ZNF562: variants seen among roughly 807,000 people sequenced by gnomAD.
ZNF562 encodes zinc finger protein 562.
Under a neutral mutation model 17.5 loss-of-function variants are expected in ZNF562, and 13 were observed. The ratio of observed to expected loss-of-function variants is 0.74; its 90% CI spans 0.48 to 1.18. The LOEUF (loss-of-function observed/expected upper bound fraction) is 1.18, where lower values mean the gene tolerates loss of function less well. Ranked by LOEUF, ZNF562 falls within the 50% of genes most tolerant of loss-of-function variation. ZNF562 has a pLI of 0.00. For synonymous variants in ZNF562, 163 were observed against 165.4 expected, an observed-to-expected ratio of 0.99 and a Z score of 0.11; for missense variants, 481 against 498.5, an observed-to-expected ratio of 0.96 and a Z score of 0.33.
At chr19:9,669,256 T>C (rs2044057449) in intron 1 of ZNF562, among the ~76,000 whole-genome samples, 1 of 151,636 alleles carries the variant, frequency 6.6e-6, no homozygotes, top group Non-Finnish European at 1.5e-5. Context: ...TCAAACTTGA[T>C]AACAAAAAAA....
At position 9,643,584 on chromosome 19, in the gene ZNF562, C is replaced by CT. The variant is rs879626414; in HGVS notation, c.*9364dup. The CT allele has an allele frequency of 0.04, 5,490 of 137,000 alleles. 206 individuals carry two copies. Among genetic ancestry groups the CT allele is most frequent in the African/African-American group, 0.1 (3,738 of 37,340 alleles). The allele number at this position is 137,000 out of a possible 1,614,324, so 8.5% of individuals were successfully genotyped here. A position where few individuals can be genotyped will look rare whatever the true frequency, so the allele number is the denominator to read the frequency against. Reference sequence around the variant, plus strand: ...TCCTTCCTAGCTTCCTTTTTTCCTTCTTTTTTTTTTTTTTTTAAATGGAGT... The same window carrying CT: ...TCCTTCCTAGCTTCCTTTTTTCCTTCTTTTTTTTTTTTTTTTTAAATGGAGT... On this transcript the variant is annotated 3_prime_UTR_variant, in exon 6 of 6. Coordinates refer to ENST00000453372, the MANE Select transcript of ZNF562 (RefSeq NM_001130031.2).
At chr19:9,658,213 C>G in intron 3 of ZNF562, 78 bp from the exon 4 acceptor site, 1 of 1,514,744 alleles carries the variant, frequency 6.6e-7, no homozygotes, top group Non-Finnish European at 8.9e-7. Context: ...GAAAGGGGAA[C>G]CTTATACTCA....
chr19:9,654,819 G>A (rs1036652481), intron 5 of ZNF562, among the ~76,000 whole-genome samples: 5 of 152,020 alleles, frequency 3.3e-5, no homozygotes, highest in African/African-American at 7.2e-5. Context: ...AGAAACCCCC[G>A]TCTCAGCCTC....
At chr19:9,666,009 T>TA (rs765492049) in intron 1 of ZNF562, among the ~76,000 whole-genome samples, 4,400 of 135,414 alleles carry the variant, frequency 0.032, 187 homozygotes, top group African/African-American at 0.1. Context: ...ACCTAGTCTT[T>TA]AAAAAAAAAA....
chr19:9,670,117 T>A (rs960631970), intron 1 of ZNF562, among the ~76,000 whole-genome samples: 1 of 151,894 alleles, frequency 6.6e-6, no homozygotes. Flanking sequence ...TGGAGGCCTG[T>A]AGTCCTGGCT....
At position 9,660,993 on chromosome 19, in the gene ZNF562, G is replaced by A. The variant is rs1007593533; in HGVS notation, c.-130-119C>T. On this transcript the variant is annotated intron_variant, in intron 1 of 5. Transcript: ENST00000453372. ...CACCAAAAACTGTATACTCAGTATC[G>A]TCACTCAGTAATGATAGTATTAATA... 3.6e-5 allele frequency: 14 copies of A among 386,038 alleles called. No homozygotes were observed. The South Asian group carries it at 3.8e-4, about 10-fold the overall frequency. The allele number at this position is 386,038 out of a possible 1,614,324, so 23.9% of individuals were successfully genotyped here. A position where few individuals can be genotyped will look rare whatever the true frequency, so the allele number is the denominator to read the frequency against.
intron 4 of ZNF562, 151 bp downstream of exon 4, chr19:9,657,858 C>A (rs2043572414): frequency 1.7e-6 from 2 of 1,152,242 alleles, no homozygotes; most frequent in Non-Finnish European, 1.2e-6. Context: ...AGTCTTTATT[C>A]TTAGGATTTT....
intron 1 of ZNF562, among the ~76,000 whole-genome samples, chr19:9,669,270 C>T (rs143715823): frequency 3.6e-4 from 55 of 151,706 alleles, no homozygotes; most frequent in East Asian, 1.4e-3. Context: ...AAAAAAAATC[C>T]GATAAAAAAA....
chr19:9,663,794 A>G (rs1418665018), intron 1 of ZNF562, among the ~76,000 whole-genome samples: 4 of 151,870 alleles, frequency 2.6e-5, no homozygotes, highest in African/African-American at 7.3e-5. Flanking sequence ...TTCCTGCCTC[A>G]GCCTCTCAAG....
rs2074911715 is a variant in ZNF562, at chr19:9,653,580, G to A, written c.650C>T (p.Ala217Val). Residue 217 changes from alanine to valine, a missense_variant, in exon 6 of 6, where the codon GCA (alanine) becomes GTA (valine). This residue lies in a region of ZNF562 where 403 missense variants were observed against 386.4 expected (regional missense o/e 1.04). Transcript: ENST00000453372. Reference protein sequence around the residue: ...KECGKGFKYFASLDNHMGIHI... With the variant: ...KECGKGFKYFVSLDNHMGIHI... Reference sequence around the variant, plus strand: ...GATTCCCATGTGATTATCAAGGCTTGCAAAATACTTAAAGCCTTTTCCACA... The same window carrying A: ...GATTCCCATGTGATTATCAAGGCTTACAAAATACTTAAAGCCTTTTCCACA... 1 of 1,614,126 alleles carries A rather than the reference G, an allele frequency of 6.2e-7. No individual in the cohort carries two copies. The highest frequency in any genetic ancestry group is 8.5e-7 in the Non-Finnish European group (1 of 1,180,016).
At position 9,668,263 on chromosome 19, in the gene ZNF562, T is replaced by C. The variant is rs187354487; in HGVS notation, c.-131+6752A>G. 4.7e-4 allele frequency among the ~76,000 whole-genome samples: 72 copies of C among 151,968 alleles called. 1 individual carries two copies. The highest frequency in any genetic ancestry group is 2.9e-4 in the Non-Finnish European group (20 of 68,002). Reference sequence around the variant, plus strand: ...GATGGCACACACCTGTAGTCCCAGCTACTCAAAAGAGACTGAGGCAGGAGG... The same window carrying C: ...GATGGCACACACCTGTAGTCCCAGCCACTCAAAAGAGACTGAGGCAGGAGG... On this transcript the variant is annotated intron_variant, in intron 1 of 5. Transcript: ENST00000453372.
At chr19:9,668,964 C>T (rs1266908947) in intron 1 of ZNF562, among the ~76,000 whole-genome samples, 1 of 151,110 alleles carries the variant, frequency 6.6e-6, no homozygotes, top group Non-Finnish European at 1.5e-5. Flanking sequence ...AAAAAAAAGT[C>T]AAAACAGATT....
chr19:9,665,048 C>T (rs896768927), intron 1 of ZNF562, among the ~76,000 whole-genome samples: 2 of 151,718 alleles, frequency 1.3e-5, no homozygotes, highest in Admixed American at 1.3e-4. Flanking sequence ...ATGGTGAAAC[C>T]CTGTCTCTAC....
rs2074867865 is a variant in ZNF562 at position 9,651,587 on chromosome 19, A to T, written c.*1362T>A. 6.6e-6 allele frequency: 1 copy of T among 152,242 alleles called. No homozygotes were observed. Among genetic ancestry groups the T allele is most frequent in the Non-Finnish European group, 1.5e-5 (1 of 68,052 alleles). 9.4% of individuals were successfully genotyped at this position (152,242 alleles called of 1,614,324 possible). ...TGGTTTACCAGAATGAGGGCAAGCA[A>T]CACCTGGCCCACCCAGGGCAGAAAA... On this transcript the variant is annotated 3_prime_UTR_variant, in exon 6 of 6. Coordinates refer to ENST00000453372, the MANE Select transcript of ZNF562 (RefSeq NM_001130031.2).
At chr19:9,656,440 T>G in intron 5 of ZNF562, 107 bp downstream of exon 5, 1 of 1,211,852 alleles carries the variant, frequency 8.3e-7, no homozygotes, top group Non-Finnish European at 1.2e-6. Flanking sequence ...ACCTGGGAGT[T>G]GGAGGTTGCG....
chr19:9,671,461 G>A (rs1420067711), intron 1 of ZNF562, among the ~76,000 whole-genome samples: 1 of 152,078 alleles, frequency 6.6e-6, no homozygotes, highest in Non-Finnish European at 1.5e-5. Context: ...GGGTGATCCA[G>A]CAAGACTTTG....
chr19:9,646,583 C>T lies in ZNF562; in HGVS notation c.*6366G>A, dbSNP rs144253210. 4 of 151,990 alleles carry T rather than the reference C, an allele frequency of 2.6e-5. No homozygotes were observed. The highest frequency in any genetic ancestry group is 9.6e-5 in the African/African-American group (4 of 41,478). The allele number at this position is 151,990 out of a possible 1,614,324, so 9.4% of individuals were successfully genotyped here. On this transcript the variant is annotated 3_prime_UTR_variant, in exon 6 of 6. Coordinates refer to ENST00000453372, the MANE Select transcript of ZNF562 (RefSeq NM_001130031.2). ...ATTCATAAACCTGGGTACTCTCTAC[C>T]AAGATTAACACAAGCAAAGGGAAAG...
At chr19:9,667,558 A>T (rs1388765894) in intron 1 of ZNF562, among the ~76,000 whole-genome samples, 1 of 152,136 alleles carries the variant, frequency 6.6e-6, no homozygotes, top group African/African-American at 2.4e-5. Context: ...ATCTCAACTA[A>T]AAAAGAAGTC....
At position 9,652,794 on chromosome 19, in the gene ZNF562, AG is replaced by A; in HGVS notation, c.*154del. The A allele has an allele frequency of 4.7e-6, 3 of 635,776 alleles. No individual in the cohort carries two copies. The highest frequency in any genetic ancestry group is 6.5e-5 in the Admixed American group (2 of 30,548). The allele number at this position is 635,776 out of a possible 1,614,324, so 39.4% of individuals were successfully genotyped here. A position where few individuals can be genotyped will look rare whatever the true frequency, so the allele number is the denominator to read the frequency against. ...ACAACACTCATATCCTTACATTCATAGTATTTCTCCCCAGTGTGAATTCTTT... is the reference window on the plus strand; with the variant it reads ...ACAACACTCATATCCTTACATTCATATATTTCTCCCCAGTGTGAATTCTTT... On this transcript the variant is annotated 3_prime_UTR_variant, in exon 6 of 6. Coordinates refer to ENST00000453372, the MANE Select transcript of ZNF562 (RefSeq NM_001130031.2).
Sources: allele counts gnomAD v4.1 joint callset (sites outside exome capture counted in the v4.1 genomes callset), GRCh38; gene constraint gnomAD v4.1.1; regional missense constraint gnomAD v4.1.1; transcripts MANE v1.5; gene names NCBI Gene and HGNC (gene_info 2026-07-23, HGNC 2026-07-21).